UNC13D: variants seen among roughly 807,000 people sequenced by gnomAD.
UNC13D encodes the protein unc-13 homolog D, also known as protein unc-13 homolog D.
In UNC13D, 115 loss-of-function variants were observed where a neutral mutation model predicts 151.7. The ratio of observed to expected loss-of-function variants is 0.76; its 90% confidence interval spans 0.65 to 0.88. The LOEUF (loss-of-function observed/expected upper bound fraction) is 0.88. UNC13D is among the 40% of genes least tolerant of loss of function. The pLI, the probability that UNC13D is intolerant of heterozygous loss-of-function variation, is 0.00. For synonymous variants in UNC13D, 588 were observed against 612.2 expected (o/e 0.96, Z 0.58); for missense variants, 1,369 against 1,438.7 (o/e 0.95, Z 0.78).
chr17:75,843,748 G>C, intron 1 of UNC13D: 1 of 1,422,352 alleles, frequency 7.0e-7, no homozygotes, highest in Non-Finnish European at 9.2e-7. Flanking sequence ...CGAGCCCTCC[G>C]CACCCGCACC....
At chr17:75,842,780 A>G in intron 5 of UNC13D, 77 bp downstream of exon 5, 1 of 1,603,462 alleles carries the variant, frequency 6.2e-7, no homozygotes, top group Admixed American at 1.7e-5. Flanking sequence ...TGCTCCCGCC[A>G]AGAGTCCTGG....
chr17:75,842,089 C>T (rs1599414395), intron 6 of UNC13D, among the ~76,000 whole-genome samples: 1 of 152,152 alleles, frequency 6.6e-6, no homozygotes, highest in East Asian at 1.9e-4. Context: ...CCATGTTGGC[C>T]AGGCTGGTCT....
Position 75,834,976 on chromosome 17 carries a change from G to T in UNC13D, c.1936C>A (p.Gln646Lys), listed in dbSNP as rs1182378631. 2 of 1,614,142 alleles carry T rather than the reference G, an allele frequency of 1.2e-6. No individual in the cohort carries two copies. Among genetic ancestry groups the T allele is most frequent in the Non-Finnish European group, 8.5e-7 (1 of 1,180,030 alleles). ...CFAQISHTAR[Q>K]LDWPDPEEAF... ...TCCTCTGGGTCTGGCCAGTCCAGCTGCCGGGCAGTGTGGCTGATCTGGGCA... is the reference window on the plus strand; with the variant it reads ...TCCTCTGGGTCTGGCCAGTCCAGCTTCCGGGCAGTGTGGCTGATCTGGGCA... Residue 646 changes from glutamine (Q) to lysine (K), a missense_variant, in exon 21 of 32, where the codon CAG (glutamine) becomes AAG (lysine). Gln to Lys is a moderately conservative substitution (Grantham distance 53, BLOSUM62 1). This residue lies in a region of UNC13D where 807 missense variants were observed against 795.5 expected (regional missense o/e 1.01). Coordinates refer to ENST00000207549, the MANE Select transcript of UNC13D (RefSeq NM_199242.3).
intron 30 of UNC13D, 34 bp downstream of exon 30, chr17:75,829,994 G>T: frequency 1.9e-6 from 3 of 1,566,186 alleles, no homozygotes; most frequent in East Asian, 2.3e-5. Context: ...GAGAGATGAG[G>T]GGAGGGACTG....
chr17:75,840,805 G>C lies in UNC13D; in HGVS notation c.640C>G (p.Arg214Gly). The change falls in exon 8 of 32, where the codon CGA (arginine) becomes GGA (glycine). Residue 214 changes from arginine (R) to glycine (G), a missense_variant. Physicochemically the swap from Arg to Gly is moderately radical, Grantham distance 125 (BLOSUM62 -2). Transcript: ENST00000207549. The surrounding 1 kb of genome is among the most constrained non-coding windows in gnomAD (Gnocchi z 4.6). ...TCCGTGAGCTCCCCAAGCTTCTGTC[G>C]GACAGACTCCACAGTGTCCAGGTCC... is the stretch of plus-strand genomic sequence containing the variant. Reference protein sequence around the residue: ...MWDLDTVESVRQKLGELTDLH... With the variant: ...MWDLDTVESVGQKLGELTDLH... 6.2e-6 allele frequency: 10 copies of C among 1,613,890 alleles called. No individual in the cohort carries two copies. The highest frequency in any genetic ancestry group is 7.6e-6 in the Non-Finnish European group (9 of 1,179,940).
chr17:75,834,869 T>C lies in UNC13D; in HGVS notation c.1992+51A>G, dbSNP rs111822018. The C allele has an allele frequency of 6.4e-3, 10,404 of 1,613,200 alleles. 78 individuals are homozygous for C. The highest frequency in any genetic ancestry group is 0.027 in the African/African-American group (1,985 of 74,878). The stretch of plus-strand genomic sequence containing the variant: ...AGAGCACGGGAGAAACGGTGGGTGG[T>C]AGTGTGGCTGTTCTAGAAAGAGGGG... On this transcript the variant is annotated intron_variant, in intron 21 of 31. Transcript: ENST00000207549.
At chr17:75,830,298 G>A (rs990279155) in intron 29 of UNC13D, 64 bp downstream of exon 29, 3 of 1,574,668 alleles carry the variant, frequency 1.9e-6, no homozygotes, top group Admixed American at 1.9e-5. Context: ...AAGCCCCCAG[G>A]GTCGCTGAGA....
intron 6 of UNC13D, among the ~76,000 whole-genome samples, chr17:75,841,737 C>T (rs1315315243): frequency 1.3e-5 from 2 of 149,944 alleles, no homozygotes; most frequent in Admixed American, 6.7e-5. Context: ...GTCCCTGCGC[C>T]TGGCCCCCAC....
chr17:75,843,223 C>A lies in UNC13D; in HGVS notation c.197G>T (p.Arg66Leu), dbSNP rs371943727. The change falls in exon 3 of 32, where the codon CGC becomes CTC. Residue 66 changes from arginine to leucine, a missense_variant. Transcript: ENST00000207549. ...ATGGTTGGGCTCAGGATGACCCAGG[C>A]GGTGCAAGACAGTGTAGAGTGCGTC... is the stretch of plus-strand genomic sequence containing the variant. ...YEDALYTVLH[R>L]LGHPEPNHVT... The A allele has an allele frequency of 5.6e-6, 9 of 1,611,098 alleles. No homozygotes were observed. The African/African-American group carries it at 9.4e-5, about 17-fold the overall frequency.
In UNC13D at chr17:75,827,584, C is replaced by T. The variant is rs1277066351; in HGVS notation, c.*381G>A. On this transcript the variant is annotated 3_prime_UTR_variant, in exon 32 of 32. Coordinates refer to ENST00000207549, the MANE Select transcript of UNC13D (RefSeq NM_199242.3). Reference sequence around the variant, plus strand: ...GTAGCCCTGGTCCCAGTGAACCTGGCCCCCACCCCAGTGGCTGGAACAGGA... The same window carrying T: ...GTAGCCCTGGTCCCAGTGAACCTGGTCCCCACCCCAGTGGCTGGAACAGGA... 6.5e-7 allele frequency: 1 copy of T among 1,533,944 alleles called. No homozygotes were observed. The highest frequency in any genetic ancestry group is 1.4e-5 in the African/African-American group (1 of 71,912).
chr17:75,836,672 T>A lies in UNC13D; in HGVS notation c.1198A>T (p.Ser400Cys). The change falls in exon 14 of 32, where the codon AGC becomes TGC. Residue 400 changes from serine to cysteine, a missense_variant. By Grantham distance (112) the Ser-to-Cys change is moderately radical. Around this residue, in one of 3 missense-constraint regions of UNC13D, gnomAD observed 550 missense variants for 609.0 expected, o/e 0.90. Coordinates refer to ENST00000207549, the MANE Select transcript of UNC13D (RefSeq NM_199242.3). ...GAGAGGCCGTAGGTCAGCAGGGAGC[T>A]GAATGAGGCGGCCAGCTCCTCCTGC... The part of the protein sequence containing the change: ...EQQEELAASF[S>C]SLLTYGLSLI... 1 of 1,613,686 alleles carries A rather than the reference T, an allele frequency of 6.2e-7. No individual in the cohort carries two copies. The highest frequency in any genetic ancestry group is 8.5e-7 in the Non-Finnish European group (1 of 1,180,020).
In UNC13D at chr17:75,835,013, T is replaced by C; in HGVS notation, c.1899A>G (p.Leu633=). The change falls in exon 21 of 32, where the codon CTA becomes CTG. Residue 633 remains leucine, a synonymous_variant. Coordinates refer to ENST00000207549, the MANE Select transcript of UNC13D (RefSeq NM_199242.3). ...GGCTGATCTGGGCAAAGCAGGTGGA[T>C]AGATCCACCGCTGATGTGCTGTGCT... is the stretch of plus-strand genomic sequence containing the variant. ...LTKHSTSAVD[L]STCFAQISHT... 6.2e-7 allele frequency: 1 copy of C among 1,613,994 alleles called. No individual in the cohort carries two copies. The highest frequency in any genetic ancestry group is 1.1e-5 in the South Asian group (1 of 91,078).
intron 12 of UNC13D, among the ~76,000 whole-genome samples, chr17:75,837,505 G>A (rs1160779581): frequency 6.6e-6 from 1 of 151,406 alleles, no homozygotes; most frequent in Non-Finnish European, 1.5e-5. Context: ...TGTAATCCCA[G>A]GACTTTTGGA....
chr17:75,830,723 C>T, intron 27 of UNC13D, 62 bp from the exon 28 acceptor site: 1 of 1,532,538 alleles, frequency 6.5e-7, no homozygotes, highest in Non-Finnish European at 8.8e-7. Context: ...CCCAGGCCTG[C>T]CCTCCAGGAG....
rs1194495416 is a variant in UNC13D, at chr17:75,830,014, C to G, written c.2954+14G>C. On this transcript the variant is annotated intron_variant, in intron 30 of 31. Transcript: ENST00000207549. Reference sequence around the variant, plus strand: ...ATGAGGGGAGGGACTGGGAGAAGAACGGGACCCACTCACAATTCAAAGGTC... The same window carrying G: ...ATGAGGGGAGGGACTGGGAGAAGAAGGGGACCCACTCACAATTCAAAGGTC... 1 of 1,572,808 alleles carries G rather than the reference C, an allele frequency of 6.4e-7. No individual in the cohort carries two copies. Among genetic ancestry groups the G allele is most frequent in the Non-Finnish European group, 8.6e-7 (1 of 1,158,872 alleles).
rs138268544 is a variant in UNC13D, at chr17:75,839,895, G to A, written c.999C>T (p.Thr333=). 55 of 1,613,810 alleles carry A rather than the reference G, an allele frequency of 3.4e-5. No individual in the cohort carries two copies. The highest frequency in any genetic ancestry group is 4.5e-5 in the East Asian group (2 of 44,890). The change falls in exon 12 of 32, where the codon ACC becomes ACT. Residue 333 remains threonine (T), a synonymous_variant. Coordinates refer to ENST00000207549, the MANE Select transcript of UNC13D (RefSeq NM_199242.3). The stretch of plus-strand genomic sequence containing the variant: ...TCTGTGTGGCGTGCAGAAAGAGGAC[G>A]GTGGCAGCCTGGGGACTCAGCGACC... ...WDGSLSPQAA[T]VLFLHATQKD...
At chr17:75,829,807 A>C in intron 30 of UNC13D, 2 of 574,622 alleles carry the variant, frequency 3.5e-6, no homozygotes, top group South Asian at 1.9e-5. Flanking sequence ...TGAACTCCTG[A>C]CCTCAAGTGA....
intron 31 of UNC13D, 72 bp downstream of exon 31, chr17:75,828,715 C>T: frequency 2.8e-6 from 4 of 1,415,870 alleles, no homozygotes; most frequent in Non-Finnish European, 3.7e-6. Context: ...CCTGGCATCA[C>T]CTCTCTGGGG....
At chr17:75,842,360 C>T in intron 6 of UNC13D, 73 bp downstream of exon 6, 4 of 1,555,440 alleles carry the variant, frequency 2.6e-6, no homozygotes, top group Non-Finnish European at 3.5e-6. Context: ...ACCTACTCAT[C>T]TCATTGTCTG....
Sources: gnomAD v4.1 joint callset for allele counts (sites outside exome capture counted in the v4.1 genomes callset) on GRCh38, gnomAD v4.1.1 for gene constraint, gnomAD v4.1.1 regional missense constraint, Gnocchi (gnomAD v3.1) non-coding constraint, MANE v1.5 for transcripts, NCBI Gene and HGNC (gene_info 2026-07-23, HGNC 2026-07-21) for gene names.